The following CABP1 variants were observed in gnomAD, a reference collection of about 807,000 sequenced individuals.
The protein encoded by CABP1 is calcium-binding protein 1.
A neutral mutation model predicts 34.3 loss-of-function variants in CABP1; 17 were observed. The observed-to-expected ratio is 0.50, with a 90% CI of 0.34 to 0.74. The LOEUF (loss-of-function observed/expected upper bound fraction) is 0.74. CABP1 is among the 30% of genes least tolerant of loss of function. CABP1 has a pLI of 0.01. For synonymous variants in CABP1, 198 were observed against 229.2 expected (o/e 0.86, Z 1.23); for missense variants, 373 against 511.1 (o/e 0.73, Z 2.61).
intron 1 of CABP1, among the ~76,000 whole-genome samples, chr12:120,648,869 A>G (rs530526866): frequency 6.7e-6 from 1 of 149,492 alleles, no homozygotes; most frequent in South Asian, 2.1e-4. Context: ...CAACAGAGCA[A>G]GACACTGTCT....
chr12:120,647,034 G>A (rs7965013), intron 1 of CABP1, among the ~76,000 whole-genome samples: 26,828 of 152,108 alleles, frequency 0.18, 2,651 homozygotes, highest in African/African-American at 0.26. Context: ...AGGTTTTGCC[G>A]GCTCCTGTCT....
Position 120,660,716 on chromosome 12 carries a change from T to G in CABP1, c.830-15T>G, listed in dbSNP as rs1388514088. 1 of 1,580,332 alleles carries G rather than the reference T, an allele frequency of 6.3e-7. No homozygotes were observed. The highest frequency in any genetic ancestry group is 1.3e-5 in the African/African-American group (1 of 74,162). ...GGTATGTCGGGGATGACCTAGCCCT[T>G]TCCTCCTTTTCCAGTGGGTGGCCAT... On this transcript the variant is annotated splice_polypyrimidine_tract_variant and intron_variant, in intron 3 of 5. Transcript: ENST00000316803. This position sits in a 1 kb window ranked among gnomAD's most constrained non-coding sequence, Gnocchi z 5.0.
At chr12:120,652,359 A>C (rs1879899054) in intron 1 of CABP1, among the ~76,000 whole-genome samples, 1 of 137,614 alleles carries the variant, frequency 7.3e-6, no homozygotes, top group African/African-American at 3.2e-5. Flanking sequence ...AGTATTAATA[A>C]TTGCTTTTTT....
Position 120,666,787 on chromosome 12 carries a change from C to A in CABP1, c.1088-88C>A, listed in dbSNP as rs879145028. The stretch of plus-strand genomic sequence containing the variant: ...ATGGGGGACCAGCACAGAGTTGGGG[C>A]AGTGGCAACAGGGTGGGGTCTGAAG... On this transcript the variant is annotated intron_variant, in intron 5 of 5. Transcript: ENST00000316803. 6 of 1,393,146 alleles carry A rather than the reference C, an allele frequency of 4.3e-6. No homozygotes were observed. In the South Asian group the frequency reaches 7.4e-5, roughly 17 times the overall value. 86.3% of individuals were successfully genotyped at this position (1,393,146 alleles called of 1,614,324 possible).
chr12:120,644,966 G>A (rs935431149), intron 1 of CABP1, among the ~76,000 whole-genome samples: 4 of 152,128 alleles, frequency 2.6e-5, no homozygotes, highest in African/African-American at 9.7e-5. Context: ...CACCGCACCT[G>A]GCTAATTTTT....
chr12:120,672,200 T>C (rs374158104), downstream of CABP1, among the ~76,000 whole-genome samples: 46 of 152,112 alleles, frequency 3.0e-4, no homozygotes, highest in South Asian at 8.5e-3. Flanking sequence ...AGCCAGCAAT[T>C]TGCAAAAAAT....
At chr12:120,645,742 T>C (rs1469182650) in intron 1 of CABP1, among the ~76,000 whole-genome samples, 1 of 152,048 alleles carries the variant, frequency 6.6e-6, no homozygotes, top group Non-Finnish European at 1.5e-5. Context: ...GGCATGAGAA[T>C]TGCTTGAACC....
At chr12:120,657,520 C>T (rs1484585617) in intron 1 of CABP1, among the ~76,000 whole-genome samples, 1 of 152,156 alleles carries the variant, frequency 6.6e-6, no homozygotes, top group African/African-American at 2.4e-5. Flanking sequence ...TCTCCCCAGC[C>T]ACATGTACTG....
intron 1 of CABP1, among the ~76,000 whole-genome samples, chr12:120,645,504 T>TC (rs936872289): frequency 6.6e-6 from 1 of 151,682 alleles, no homozygotes; most frequent in Non-Finnish European, 1.5e-5. Context: ...CATCATCAAC[T>TC]CCCCCCAACC....
the CABP1 span, among the ~76,000 whole-genome samples, chr12:120,676,639 C>G: frequency 1.3e-5 from 2 of 152,168 alleles, no homozygotes; most frequent in Admixed American, 1.3e-4. Context: ...GTTGGTCAGG[C>G]TGGCCTTGAA....
downstream of CABP1, among the ~76,000 whole-genome samples, chr12:120,670,667 G>A (rs1881222196): frequency 6.6e-6 from 1 of 152,144 alleles, no homozygotes; most frequent in Non-Finnish European, 1.5e-5. Context: ...AGAATCACTT[G>A]AACCCGGGAG....
At chr12:120,650,489 G>GC in intron 1 of CABP1, 1 of 1,517,884 alleles carries the variant, frequency 6.6e-7, no homozygotes, top group South Asian at 1.3e-5. Flanking sequence ...GAGCACGCGC[G>GC]CAAGAGAGGG....
At position 120,667,164 on chromosome 12, in the gene CABP1, A is replaced by G. The variant is rs1881056667; in HGVS notation, c.*264A>G. 1.8e-6 allele frequency: 1 copy of G among 566,708 alleles called. No individual in the cohort carries two copies. Among genetic ancestry groups the G allele is most frequent in the East Asian group, 2.9e-5 (1 of 34,022 alleles). The allele number at this position is 566,708 out of a possible 1,614,324, so 35.1% of individuals were successfully genotyped here. Reference sequence around the variant, plus strand: ...GAGGTCATGCCAGGCGCCAAGGGCCATGTGCCCAGCTGCTGCTGGCTGGGT... The same window carrying G: ...GAGGTCATGCCAGGCGCCAAGGGCCGTGTGCCCAGCTGCTGCTGGCTGGGT... On this transcript the variant is annotated 3_prime_UTR_variant, in exon 6 of 6. Transcript: ENST00000316803.
intron 5 of CABP1, among the ~76,000 whole-genome samples, chr12:120,663,709 G>T (rs944094876): frequency 3.3e-5 from 5 of 152,188 alleles, no homozygotes; most frequent in Non-Finnish European, 7.3e-5. Context: ...TCTATGGATT[G>T]CATTATTATA....
downstream of CABP1, chr12:120,667,432 TTTTG>T (rs1303171708): frequency 4.7e-4 from 76 of 160,706 alleles, no homozygotes; most frequent in African/African-American, 1.6e-3. Flanking sequence ...ATTCAGCATT[TTTTG>T]TTTGTTTATT....
rs561047970 is a variant in CABP1 at position 120,660,621 on chromosome 12, T to C, written c.830-110T>C. The C allele has an allele frequency of 1.8e-5, 14 of 794,748 alleles. No homozygotes were observed. The East Asian group carries it at 2.9e-4, about 17-fold the overall frequency. The allele number at this position is 794,748 out of a possible 1,614,324, so 49.2% of individuals were successfully genotyped here. A position where few individuals can be genotyped will look rare whatever the true frequency, so the allele number is the denominator to read the frequency against. ...AGGGCTCTTGTTATTATTAAGTTTG[T>C]CTCTATCTGATGAGCAGGTCAAGGA... is the stretch of plus-strand genomic sequence containing the variant. On this transcript the variant is annotated intron_variant, in intron 3 of 5. Transcript: ENST00000316803. The surrounding 1 kb of genome is among the most constrained non-coding windows in gnomAD (Gnocchi z 5.0).
At chr12:120,677,740 A>C in the CABP1 span, among the ~76,000 whole-genome samples, 3 of 152,176 alleles carry the variant, frequency 2.0e-5, no homozygotes, top group East Asian at 5.8e-4. Context: ...TTGCAACTCT[A>C]GGAGGCTGAA....
intron 1 of CABP1, among the ~76,000 whole-genome samples, chr12:120,646,020 T>C (rs1420013742): frequency 6.6e-6 from 1 of 152,190 alleles, no homozygotes; most frequent in Non-Finnish European, 1.5e-5. Flanking sequence ...CACTGTACTC[T>C]AGCCACAGTG....
intron 1 of CABP1, among the ~76,000 whole-genome samples, chr12:120,645,479 A>G (rs778172622): frequency 1.3e-5 from 2 of 152,122 alleles, no homozygotes; most frequent in African/African-American, 4.8e-5. Flanking sequence ...CTTCACAGCT[A>G]CCTGTGAAGG....
Sources: gnomAD v4.1 joint callset for allele counts (sites outside exome capture counted in the v4.1 genomes callset) on GRCh38, gnomAD v4.1.1 for gene constraint, Gnocchi (gnomAD v3.1) non-coding constraint, MANE v1.5 for transcripts, NCBI Gene and HGNC (gene_info 2026-07-23, HGNC 2026-07-21) for gene names.